The following PLXNC1 variants were observed in gnomAD, a reference collection of about 807,000 sequenced individuals.
PLXNC1 encodes the protein plexin-C1.
A neutral mutation model predicts 178.2 loss-of-function variants in PLXNC1; 75 were observed. That is an observed-to-expected ratio of 0.42 (90% confidence interval 0.35 to 0.51). PLXNC1 has a LOEUF of 0.51. Among genes scored for constraint, PLXNC1 ranks in the 20% least tolerant of loss-of-function variants. PLXNC1 has a pLI of 0.02. For missense variants in PLXNC1, 1,503 were observed against 1,984.4 expected (o/e 0.76, Z 4.61); for synonymous variants, 790 against 779.9 (o/e 1.01, Z -0.22).
intron 4 of PLXNC1, among the ~76,000 whole-genome samples, chr12:94,197,033 C>T (rs962629772): frequency 6.6e-6 from 1 of 152,134 alleles, no homozygotes; most frequent in Non-Finnish European, 1.5e-5. Context: ...TTCTGGAGGC[C>T]CTTCTTTGCC....
Position 94,297,358 on chromosome 12 carries a change from A to C in PLXNC1, c.4009A>C (p.Arg1337=). ...AGCATTCCAAGATGTGCAAGGAAAGAGACATCGAGGGAAGCACAAGTTCAA... is the reference window on the plus strand; with the variant it reads ...AGCATTCCAAGATGTGCAAGGAAAGCGACATCGAGGGAAGCACAAGTTCAA... ...SEAFQDVQGK[R]HRGKHKFKVK... The change falls in exon 26 of 31, where the codon AGA becomes CGA. Residue 1337 remains arginine, a synonymous_variant. Coordinates refer to ENST00000258526, the MANE Select transcript of PLXNC1 (RefSeq NM_005761.3). The C allele has an allele frequency of 6.2e-7, 1 of 1,614,076 alleles. No individual in the cohort carries two copies. The highest frequency in any genetic ancestry group is 8.5e-7 in the Non-Finnish European group (1 of 1,179,944).
intron 10 of PLXNC1, among the ~76,000 whole-genome samples, chr12:94,238,502 G>C (rs545176732): frequency 6.8e-6 from 1 of 146,386 alleles, no homozygotes; most frequent in African/African-American, 2.6e-5. Context: ...AAAAAAAAGT[G>C]ATGTGATAAC....
At chr12:94,165,396 C>T (rs780392762) in intron 1 of PLXNC1, among the ~76,000 whole-genome samples, 1 of 152,188 alleles carries the variant, frequency 6.6e-6, no homozygotes, top group South Asian at 2.1e-4. Context: ...CAAAAGAATC[C>T]ATTTCCATTC....
chr12:94,283,087 C>T (rs1966568848), intron 23 of PLXNC1, among the ~76,000 whole-genome samples: 1 of 152,176 alleles, frequency 6.6e-6, no homozygotes, highest in South Asian at 2.1e-4. Flanking sequence ...AGAGCTGGGG[C>T]TGCATGGGAG....
At chr12:94,203,083 TGG>T (rs1189152825) in intron 4 of PLXNC1, among the ~76,000 whole-genome samples, 3 of 151,356 alleles carry the variant, frequency 2.0e-5, no homozygotes, top group African/African-American at 7.3e-5. Context: ...AGGTGAGAGG[TGG>T]GGGGTAAGCA....
intron 21 of PLXNC1, among the ~76,000 whole-genome samples, chr12:94,267,051 C>T (rs145537454): frequency 6.6e-6 from 1 of 152,318 alleles, no homozygotes; most frequent in Non-Finnish European, 1.5e-5. Context: ...TTGCACAGGG[C>T]CTGTTGACTC....
intron 17 of PLXNC1, chr12:94,255,948 A>T (rs1445766365): frequency 6.6e-6 from 1 of 152,262 alleles, no homozygotes; most frequent in Non-Finnish European, 1.5e-5. Context: ...TGCTGGTCTT[A>T]CCTATGTTCT....
chr12:94,299,873 T>TG (rs1442752284), intron 27 of PLXNC1, among the ~76,000 whole-genome samples: 1 of 152,164 alleles, frequency 6.6e-6, no homozygotes, highest in Non-Finnish European at 1.5e-5. Flanking sequence ...TCTAGCCTCT[T>TG]ATCTCCAGTC....
chr12:94,210,535 A>G (rs1963437841), intron 5 of PLXNC1, among the ~76,000 whole-genome samples: 1 of 152,194 alleles, frequency 6.6e-6, no homozygotes, highest in African/African-American at 2.4e-5. Flanking sequence ...TTTGAATGCC[A>G]TATTAACAAG....
intron 9 of PLXNC1, among the ~76,000 whole-genome samples, chr12:94,231,409 A>G (rs1037785695): frequency 6.6e-6 from 1 of 152,186 alleles, no homozygotes; most frequent in Non-Finnish European, 1.5e-5. Context: ...GCCTGCATAT[A>G]TAGGGCCTCA....
chr12:94,189,243 G>A lies in PLXNC1; in HGVS notation c.1439+2770G>A, dbSNP rs185443258. ...AGTGGCCAGGGAGCTGAGGGAGCAT[G>A]TAAGGAATGGATGATGATATCGATA... On this transcript the variant is annotated intron_variant, in intron 4 of 30. Transcript: ENST00000258526. Among the ~76,000 whole-genome samples, 608 of 152,336 alleles carry A rather than the reference G, an allele frequency of 4.0e-3. 7 individuals carry two copies. The highest frequency in any genetic ancestry group is 0.021 in the Admixed American group (321 of 15,314).
In PLXNC1 at chr12:94,255,079, ATTG is replaced by A. The variant is rs555298674; in HGVS notation, c.2984-111_2984-109del. The A allele has an allele frequency of 1.4e-3, 1,332 of 957,528 alleles. 4 individuals are homozygous for A. Among genetic ancestry groups the A allele is most frequent in the Admixed American group, 3.0e-3 (146 of 47,972 alleles). 59.3% of individuals were successfully genotyped at this position (957,528 alleles called of 1,614,324 possible). On this transcript the variant is annotated intron_variant, in intron 16 of 30. Coordinates refer to ENST00000258526, the MANE Select transcript of PLXNC1 (RefSeq NM_005761.3). ...TCTGCAGCCAACCAAGTCATTATCT[ATTG>A]TTTCTTCTTTAATGAAAACCAAGGT...
chr12:94,301,518 A>T (rs542461901), intron 28 of PLXNC1, among the ~76,000 whole-genome samples: 1 of 152,322 alleles, frequency 6.6e-6, no homozygotes, highest in South Asian at 2.1e-4. Context: ...AAGCATGAGT[A>T]CTGTTTTCCT....
chr12:94,254,910 G>C, intron 16 of PLXNC1, 22 bp downstream of exon 16: 1 of 1,563,022 alleles, frequency 6.4e-7, no homozygotes, highest in Non-Finnish European at 8.8e-7. Context: ...AATTGTGTTT[G>C]TAGAAAAACA....
At chr12:94,177,073 G>A (rs937903539) in intron 2 of PLXNC1, among the ~76,000 whole-genome samples, 2 of 136,394 alleles carry the variant, frequency 1.5e-5, no homozygotes, top group Non-Finnish European at 3.1e-5. Context: ...GTGTGTGTGT[G>A]TGTGTATATA....
chr12:94,301,170 G>C, intron 28 of PLXNC1, 113 bp downstream of exon 28: 1 of 722,972 alleles, frequency 1.4e-6, no homozygotes, highest in South Asian at 3.6e-5. Flanking sequence ...CAGCTAAAAA[G>C]AGATAGCAAG....
At chr12:94,297,065 C>A in intron 24 of PLXNC1, 124 bp from the exon 25 acceptor site, 1 of 869,254 alleles carries the variant, frequency 1.2e-6, no homozygotes, top group South Asian at 1.5e-5. Context: ...ATGGAGAGCT[C>A]AAGTCAAAAA....
intron 5 of PLXNC1, among the ~76,000 whole-genome samples, chr12:94,218,468 AG>A (rs1247496887): frequency 6.6e-6 from 1 of 152,134 alleles, no homozygotes; most frequent in East Asian, 1.9e-4. Flanking sequence ...GGCTCTTCAT[AG>A]GGGGTGATAA....
chr12:94,247,338 TTC>T (rs143775006), intron 12 of PLXNC1, among the ~76,000 whole-genome samples: 104 of 152,330 alleles, frequency 6.8e-4, no homozygotes, highest in African/African-American at 2.4e-3. Context: ...TTCTCCTGTT[TTC>T]TGTTATGCCT....
Sources: allele counts gnomAD v4.1 joint callset (sites outside exome capture counted in the v4.1 genomes callset), GRCh38; gene constraint gnomAD v4.1.1; transcripts MANE v1.5; gene names NCBI Gene and HGNC (gene_info 2026-07-23, HGNC 2026-07-21).